Variants in NUDCD3 observed in about 807,000 individuals in gnomAD.
NUDCD3 encodes the protein NudC domain containing 3, also known as nudC domain-containing protein 3.
A neutral mutation model predicts 39.7 loss-of-function variants in NUDCD3; 13 were observed. The ratio of observed to expected loss-of-function variants is 0.33; its 90% CI spans 0.21 to 0.52. NUDCD3 has a LOEUF of 0.52. Ranked by LOEUF, NUDCD3 falls within the 20% of genes least tolerant of loss-of-function variation. NUDCD3 has a pLI of 0.96. For missense variants in NUDCD3, 453 were observed against 458.1 expected, an observed-to-expected ratio of 0.99 and a Z score of 0.10; for synonymous variants, 175 against 172.4, an observed-to-expected ratio of 1.02 and a Z score of -0.12.
chr7:44,434,286 C>A (rs1585076338), intron 2 of NUDCD3, among the ~76,000 whole-genome samples: 1 of 152,178 alleles, frequency 6.6e-6, no homozygotes, highest in Non-Finnish European at 1.5e-5. Context: ...CCAGACGTAG[C>A]CTGGGCCTTG....
At chr7:44,409,994 G>A (rs78091046) in intron 3 of NUDCD3, among the ~76,000 whole-genome samples, 4,696 of 152,082 alleles carry the variant, frequency 0.031, 98 homozygotes, top group Non-Finnish European at 0.05. Flanking sequence ...CCCAAACTGC[G>A]AAACAGGAGG....
At chr7:44,402,105 C>A (rs1798738182) in intron 4 of NUDCD3, among the ~76,000 whole-genome samples, 1 of 152,224 alleles carries the variant, frequency 6.6e-6, no homozygotes, top group African/African-American at 2.4e-5. Context: ...CCGTTTCTCA[C>A]AGCACTGGAA....
At chr7:44,454,008 G>A (rs987790151) in intron 2 of NUDCD3, among the ~76,000 whole-genome samples, 3 of 151,922 alleles carry the variant, frequency 2.0e-5, no homozygotes, top group African/African-American at 7.2e-5. Flanking sequence ...GTGCCATTGC[G>A]CTCCAACCTG....
rs6959802 is a variant in NUDCD3, at chr7:44,381,890, C to T, written c.*4121G>A. ...GCCCAGCGCATACCCCCAGAGTGTT[C>T]TGGCAGACCTGTGCCAGCTGGGTTC... is the stretch of plus-strand genomic sequence containing the variant. On this transcript the variant is annotated 3_prime_UTR_variant, in exon 6 of 6. Coordinates refer to ENST00000355451, the MANE Select transcript of NUDCD3 (RefSeq NM_015332.4). 6.6e-6 allele frequency: 1 copy of T among 152,182 alleles called. No individual in the cohort carries two copies. Among genetic ancestry groups the T allele is most frequent in the Non-Finnish European group, 1.5e-5 (1 of 68,056 alleles). The allele number at this position is 152,182 out of a possible 1,614,324, so 9.4% of individuals were successfully genotyped here.
chr7:44,489,389 A>C (rs1041093409), intron 1 of NUDCD3, among the ~76,000 whole-genome samples: 10 of 152,248 alleles, frequency 6.6e-5, no homozygotes, highest in Non-Finnish European at 1.2e-4. Context: ...GTAGCTACCA[A>C]GACATTCAAA....
intron 2 of NUDCD3, among the ~76,000 whole-genome samples, chr7:44,480,797 C>T (rs2116978603): frequency 6.6e-6 from 1 of 151,892 alleles, no homozygotes; most frequent in South Asian, 2.1e-4. Context: ...CAAAAATCAG[C>T]TGGGCAAGGT....
chr7:44,393,641 A>G (rs1357411260), intron 4 of NUDCD3, among the ~76,000 whole-genome samples: 7 of 152,220 alleles, frequency 4.6e-5, no homozygotes, highest in Non-Finnish European at 5.9e-5. Context: ...TTTAGATTTC[A>G]TAATATTTAC....
intron 4 of NUDCD3, among the ~76,000 whole-genome samples, chr7:44,401,978 C>G (rs1798735720): frequency 6.6e-6 from 1 of 152,210 alleles, no homozygotes; most frequent in African/African-American, 2.4e-5. Context: ...AGGGAAGACT[C>G]TGAAACCCAC....
chr7:44,481,301 G>A (rs1800486245), intron 2 of NUDCD3: 1 of 152,216 alleles, frequency 6.6e-6, no homozygotes, highest in Non-Finnish European at 1.5e-5. Context: ...CATGATTGTG[G>A]GGGCTGGCTA....
In NUDCD3 at chr7:44,479,616, T is replaced by G. The variant is rs1800447218; in HGVS notation, c.509+5352A>C. ...TTTACTGTAGTATACAAAAAGGGAG[T>G]TTTTGCCTAATACTGGTTAGAACCG... On this transcript the variant is annotated intron_variant, in intron 2 of 5. Coordinates refer to ENST00000355451, the MANE Select transcript of NUDCD3 (RefSeq NM_015332.4). 1.3e-5 allele frequency among the ~76,000 whole-genome samples: 2 copies of G among 151,510 alleles called. 1 individual carries two copies. The highest frequency in any genetic ancestry group is 4.2e-4 in the South Asian group (2 of 4,788).
At chr7:44,387,807 C>T (rs1380403779) in intron 5 of NUDCD3, among the ~76,000 whole-genome samples, 1 of 152,198 alleles carries the variant, frequency 6.6e-6, no homozygotes, top group Non-Finnish European at 1.5e-5. Flanking sequence ...AAGTGGAGAG[C>T]AGGCATTCCT....
intron 1 of NUDCD3, among the ~76,000 whole-genome samples, chr7:44,487,647 T>C (rs1800641425): frequency 1.3e-5 from 2 of 152,124 alleles, no homozygotes; most frequent in Non-Finnish European, 2.9e-5. Context: ...AAATGAGCTT[T>C]TGTGGATAAA....
At chr7:44,455,877 T>A (rs1799883144) in intron 2 of NUDCD3, among the ~76,000 whole-genome samples, 1 of 150,080 alleles carries the variant, frequency 6.7e-6, no homozygotes, top group African/African-American at 2.4e-5. Context: ...ATACAAAAAA[T>A]TAGCCGGGCG....
intron 2 of NUDCD3, among the ~76,000 whole-genome samples, chr7:44,475,492 T>G (rs957944298): frequency 1.1e-4 from 16 of 152,190 alleles, no homozygotes; most frequent in African/African-American, 3.6e-4. Context: ...ATACAGACAC[T>G]CATGCCTGTA....
intron 2 of NUDCD3, among the ~76,000 whole-genome samples, chr7:44,477,829 T>C (rs1056967928): frequency 1.4e-5 from 2 of 145,912 alleles, no homozygotes; most frequent in African/African-American, 5.1e-5. Context: ...ATTCTTTTTT[T>C]TTTTTTTTTT....
chr7:44,407,514 G>A (rs192022127), intron 3 of NUDCD3, among the ~76,000 whole-genome samples: 2 of 146,340 alleles, frequency 1.4e-5, no homozygotes, highest in East Asian at 2.0e-4. Context: ...GCGGTGAGCC[G>A]AGACTGCACC....
intron 4 of NUDCD3, chr7:44,402,927 G>A: frequency 4.0e-6 from 1 of 250,626 alleles, no homozygotes; most frequent in South Asian, 4.0e-5. Context: ...CTCAAGTGAG[G>A]GAGAGGCCGT....
intron 2 of NUDCD3, among the ~76,000 whole-genome samples, chr7:44,470,223 T>C (rs1563187368): frequency 2.0e-5 from 3 of 152,180 alleles, no homozygotes; most frequent in Non-Finnish European, 4.4e-5. Flanking sequence ...AGAGAGAATA[T>C]GCTAGTCTTT....
At chr7:44,487,146 G>A (rs1386855149) in intron 1 of NUDCD3, among the ~76,000 whole-genome samples, 2 of 152,120 alleles carry the variant, frequency 1.3e-5, no homozygotes, top group Non-Finnish European at 2.9e-5. Context: ...AACGATTTTT[G>A]TCTTAAAACA....
Sources: allele counts gnomAD v4.1 joint callset (sites outside exome capture counted in the v4.1 genomes callset), GRCh38; gene constraint gnomAD v4.1.1; transcripts MANE v1.5; gene names NCBI Gene and HGNC (gene_info 2026-07-23, HGNC 2026-07-21).